RREB1: variants seen among roughly 807,000 people sequenced by gnomAD.
RREB1 encodes the protein ras-responsive element-binding protein 1.
RREB1 carries 27 observed loss-of-function variants against 117.8 expected under a neutral mutation model. The ratio of observed to expected loss-of-function variants is 0.23; its 90% confidence interval spans 0.17 to 0.32. The LOEUF (loss-of-function observed/expected upper bound fraction) is 0.32. Among genes scored for constraint, RREB1 ranks in the 10% least tolerant of loss-of-function variants. The probability of loss-of-function intolerance (pLI) is 1.00; values close to 1 mark genes in which losing one functional copy is unlikely to be tolerated. For synonymous variants in RREB1, 1,298 were observed against 1,026.7 expected, an observed-to-expected ratio of 1.26 and a Z score of -5.05; for missense variants, 2,577 against 2,378.2, an observed-to-expected ratio of 1.08 and a Z score of -1.74.
intron 2 of RREB1, among the ~76,000 whole-genome samples, chr6:7,180,544 A>C (rs1764734482): frequency 6.6e-6 from 1 of 152,238 alleles, no homozygotes. Flanking sequence ...AAATGAGGGA[A>C]GCAGTAGACT....
intron 1 of RREB1, among the ~76,000 whole-genome samples, chr6:7,114,402 C>T (rs1213288026): frequency 2.0e-5 from 3 of 151,682 alleles, no homozygotes; most frequent in African/African-American, 7.3e-5. Context: ...AAGTGGTTCT[C>T]AACCTGGTGG....
At position 7,231,010 on chromosome 6, in the gene RREB1, C is replaced by T; in HGVS notation, c.2911C>T (p.Pro971Ser). 6.2e-7 allele frequency: 1 copy of T among 1,614,158 alleles called. No homozygotes were observed. The highest frequency in any genetic ancestry group is 8.5e-7 in the Non-Finnish European group (1 of 1,180,026). Residue 971 changes from proline to serine, a missense_variant, in exon 10 of 13, where the codon CCC becomes TCC. Physicochemically the swap from Pro to Ser is moderately conservative, Grantham distance 74. Coordinates refer to ENST00000379938, the MANE Select transcript of RREB1 (RefSeq NM_001003699.4). ...GGCGGGGAGCAGCGAGCAGCCCTCT[C>T]CCTGCCCAGCACCCGGCCCTTCTCT... ...EEAGSSEQPS[P>S]CPAPGPSLPV...
At chr6:7,133,424 A>G (rs1364074453) in intron 1 of RREB1, among the ~76,000 whole-genome samples, 1 of 152,138 alleles carries the variant, frequency 6.6e-6, no homozygotes, top group East Asian at 1.9e-4. Flanking sequence ...TTTTTTACCC[A>G]TCATAAAATG....
At chr6:7,223,706 A>T (rs1394028128) in intron 8 of RREB1, among the ~76,000 whole-genome samples, 1 of 152,188 alleles carries the variant, frequency 6.6e-6, no homozygotes, top group African/African-American at 2.4e-5. Context: ...GTACATAAAT[A>T]CATATACTAC....
At chr6:7,194,823 G>A (rs1053645574) in intron 6 of RREB1, among the ~76,000 whole-genome samples, 3 of 152,202 alleles carry the variant, frequency 2.0e-5, no homozygotes, top group African/African-American at 7.2e-5. Flanking sequence ...GAGTTTCTGA[G>A]TCTGTATTGT....
At chr6:7,192,721 A>T (rs972358006) in intron 6 of RREB1, among the ~76,000 whole-genome samples, 1 of 152,124 alleles carries the variant, frequency 6.6e-6, no homozygotes, top group Non-Finnish European at 1.5e-5. Flanking sequence ...TGTAAATTTT[A>T]TTGATCTTTT....
At chr6:7,149,212 C>T (rs1763005368) in intron 1 of RREB1, among the ~76,000 whole-genome samples, 1 of 152,156 alleles carries the variant, frequency 6.6e-6, no homozygotes, top group South Asian at 2.1e-4. Flanking sequence ...TGTGAGCCAC[C>T]ACGCCTGGCC....
rs988953950 is a variant in RREB1, at chr6:7,207,331, C to T, written c.426-3473C>T. On this transcript the variant is annotated intron_variant, in intron 6 of 12. Transcript: ENST00000379938. ...GCAGAAAGGCAGTCACTCATTTCTA[C>T]TCTCACCAACGATGGGAGAGTACCA... Among the ~76,000 whole-genome samples the T allele has an allele frequency of 2.0e-4, 30 of 152,240 alleles. 1 individual carries two copies. The highest frequency in any genetic ancestry group is 1.5e-5 in the Non-Finnish European group (1 of 68,042).
chr6:7,179,171 A>T (rs1764658965), intron 2 of RREB1, among the ~76,000 whole-genome samples: 1 of 152,290 alleles, frequency 6.6e-6, no homozygotes, highest in East Asian at 1.9e-4. Context: ...TATAACTTAA[A>T]ATTTTACATT....
chr6:7,198,059 C>T (rs1266782624), intron 6 of RREB1, among the ~76,000 whole-genome samples: 1 of 152,140 alleles, frequency 6.6e-6, no homozygotes, highest in African/African-American at 2.4e-5. Flanking sequence ...AGGGGACAGT[C>T]ACTTCTTTAC....
Position 7,211,759 on chromosome 6 carries a change from T to C in RREB1, c.707+50T>C, listed in dbSNP as rs189859987. The C allele has an allele frequency of 1.5e-4, 236 of 1,598,966 alleles. 1 individual carries two copies. The African/African-American group carries it at 2.5e-3, about 17-fold the overall frequency. ...TTGTTCATTCCTGTTTCTCCTGGCATGTGACAATGTTCTTAAGTCCCGTTA... is the reference window on the plus strand; with the variant it reads ...TTGTTCATTCCTGTTTCTCCTGGCACGTGACAATGTTCTTAAGTCCCGTTA... On this transcript the variant is annotated intron_variant, in intron 8 of 12. Coordinates refer to ENST00000379938, the MANE Select transcript of RREB1 (RefSeq NM_001003699.4).
chr6:7,172,394 A>G (rs1173317209), intron 1 of RREB1, among the ~76,000 whole-genome samples: 3 of 150,876 alleles, frequency 2.0e-5, no homozygotes, highest in Non-Finnish European at 4.4e-5. Context: ...GTACCAAGGG[A>G]TGCATCCCCC....
At chr6:7,233,280 T>C (rs1327572800) in intron 10 of RREB1, among the ~76,000 whole-genome samples, 1 of 152,256 alleles carries the variant, frequency 6.6e-6, no homozygotes, top group Non-Finnish European at 1.5e-5. Flanking sequence ...TTAAATAATT[T>C]TGTTATCAGG....
At chr6:7,109,997 A>C (rs1761055161) in intron 1 of RREB1, among the ~76,000 whole-genome samples, 1 of 152,256 alleles carries the variant, frequency 6.6e-6, no homozygotes, top group Non-Finnish European at 1.5e-5. Context: ...CAGTGGAAAT[A>C]AAGTTTGCCT....
chr6:7,227,885 G>A (rs1318845995), intron 9 of RREB1, among the ~76,000 whole-genome samples: 3 of 152,180 alleles, frequency 2.0e-5, no homozygotes, highest in Admixed American at 1.3e-4. Flanking sequence ...GGCCAACACA[G>A]TGAAACCCCG....
Position 7,211,716 on chromosome 6 carries a change from GA to G in RREB1, c.707+10del. The G allele has an allele frequency of 6.2e-7, 1 of 1,613,972 alleles. No individual in the cohort carries two copies. Among genetic ancestry groups the G allele is most frequent in the Non-Finnish European group, 8.5e-7 (1 of 1,179,820 alleles). ...ATTCAGATAACCCACTAAGGTAGGA[GA>G]AAGAGTGAACTAGACCTTGTTCATT... On this transcript the variant is annotated splice_region_variant and intron_variant, in intron 8 of 12. Coordinates refer to ENST00000379938, the MANE Select transcript of RREB1 (RefSeq NM_001003699.4).
At chr6:7,179,842 G>A (rs1764700529) in intron 2 of RREB1, among the ~76,000 whole-genome samples, 1 of 151,714 alleles carries the variant, frequency 6.6e-6, no homozygotes, top group Non-Finnish European at 1.5e-5. Flanking sequence ...GTAGAGATAG[G>A]GTCTTGCTGT....
intron 8 of RREB1, among the ~76,000 whole-genome samples, chr6:7,221,230 G>A (rs1378259544): frequency 1.3e-5 from 2 of 151,726 alleles, no homozygotes; most frequent in Non-Finnish European, 2.9e-5. Flanking sequence ...CTGCAGTGGC[G>A]CAATCTCGGC....
At chr6:7,242,702 G>A (rs935951550) in intron 11 of RREB1, among the ~76,000 whole-genome samples, 24 of 145,548 alleles carry the variant, frequency 1.6e-4, no homozygotes, top group African/African-American at 4.2e-4. Flanking sequence ...TAAAAAAAAG[G>A]GGGGGGGGGA....
Sources: gnomAD v4.1 joint callset for allele counts (sites outside exome capture counted in the v4.1 genomes callset) on GRCh38, gnomAD v4.1.1 for gene constraint, MANE v1.5 for transcripts, NCBI Gene and HGNC (gene_info 2026-07-23, HGNC 2026-07-21) for gene names.